Variants in OLA1 observed in about 807,000 individuals in gnomAD.
OLA1 encodes obg-like ATPase 1.
A neutral mutation model predicts 48.4 loss-of-function variants in OLA1; 14 were observed. The observed-to-expected ratio is 0.29, with a 90% CI of 0.19 to 0.45. The LOEUF is 0.45. Among genes scored for constraint, OLA1 ranks in the 20% least tolerant of loss-of-function variants. The pLI, the probability that OLA1 is intolerant of heterozygous loss-of-function variation, is 1.00. For synonymous variants in OLA1, 127 were observed against 150.4 expected (o/e 0.84, Z 1.14); for missense variants, 325 against 467.1 (o/e 0.70, Z 2.80).
intron 5 of OLA1, among the ~76,000 whole-genome samples, chr2:174,136,096 G>A (rs1686304863): frequency 1.3e-5 from 2 of 152,186 alleles, no homozygotes; most frequent in South Asian, 4.1e-4. Context: ...TGCTGGTGGA[G>A]GGTCGTGCCT....
chr2:174,075,555 G>C, intron 10 of OLA1, 28 bp from the exon 11 acceptor site: 3 of 1,400,746 alleles, frequency 2.1e-6, no homozygotes, highest in Non-Finnish European at 2.0e-6. Flanking sequence ...AGAGGAAATG[G>C]GTTATTAGTT....
At chr2:174,104,040 A>G (rs1294556891) in intron 7 of OLA1, among the ~76,000 whole-genome samples, 1 of 152,096 alleles carries the variant, frequency 6.6e-6, no homozygotes, top group African/African-American at 2.4e-5. Flanking sequence ...CATTGTGAAG[A>G]GCATATGCAG....
At chr2:174,079,941 A>T (rs16862337) in intron 9 of OLA1, among the ~76,000 whole-genome samples, 2 of 152,040 alleles carry the variant, frequency 1.3e-5, no homozygotes, top group East Asian at 3.9e-4. Context: ...AAGATAAACC[A>T]GCTTTCACAT....
At chr2:174,162,722 T>G (rs1399071287) in intron 4 of OLA1, among the ~76,000 whole-genome samples, 1 of 152,186 alleles carries the variant, frequency 6.6e-6, no homozygotes, top group Non-Finnish European at 1.5e-5. Context: ...CTCTATGGTA[T>G]AGGAAACCAA....
In OLA1 at chr2:174,168,388, C is replaced by CA. The variant is rs59269221; in HGVS notation, c.374-26389dup. Among the ~76,000 whole-genome samples the CA allele has an allele frequency of 8.7e-3, 1,301 of 150,016 alleles. 18 individuals are homozygous for CA. The highest frequency in any genetic ancestry group is 0.029 in the African/African-American group (1,201 of 40,950). The stretch of plus-strand genomic sequence containing the variant: ...GTCCAACTGTCTACTAATACAAAAC[C>CA]AAAAAAAAACAAAACAAACCCGCTA... On this transcript the variant is annotated intron_variant, in intron 4 of 10. Coordinates refer to ENST00000284719, the MANE Select transcript of OLA1 (RefSeq NM_013341.5).
At chr2:174,245,755 G>A (rs773768977) in intron 2 of OLA1, among the ~76,000 whole-genome samples, 28 of 151,768 alleles carry the variant, frequency 1.8e-4, no homozygotes, top group East Asian at 1.9e-4. Context: ...TTAGCCGGGC[G>A]TGGTGGCACA....
intron 4 of OLA1, among the ~76,000 whole-genome samples, chr2:174,210,110 A>T (rs751659228): frequency 6.6e-6 from 1 of 152,192 alleles, no homozygotes; most frequent in Non-Finnish European, 1.5e-5. Context: ...ATTAAGATAT[A>T]TTCAAGAATA....
intron 4 of OLA1, among the ~76,000 whole-genome samples, chr2:174,147,263 C>G (rs561143586): frequency 1.3e-5 from 2 of 152,166 alleles, no homozygotes; most frequent in East Asian, 3.9e-4. Flanking sequence ...CACATCTCTA[C>G]TAAAAATACA....
At position 174,164,220 on chromosome 2, in the gene OLA1, C is replaced by T. The variant is rs191929521; in HGVS notation, c.374-22220G>A. On this transcript the variant is annotated intron_variant, in intron 4 of 10. Transcript: ENST00000284719. ...ATTTTCTTTATAAATTACCCAGTCT[C>T]GGGTATTTTCTTCATAGCAGCATGA... Among the ~76,000 whole-genome samples, 287 of 152,064 alleles carry T rather than the reference C, an allele frequency of 1.9e-3. 1 individual carries two copies. The highest frequency in any genetic ancestry group is 6.6e-3 in the African/African-American group (272 of 41,442).
chr2:174,245,807 T>C (rs1336207338), intron 2 of OLA1, among the ~76,000 whole-genome samples: 2 of 151,704 alleles, frequency 1.3e-5, no homozygotes, highest in Admixed American at 6.6e-5. Context: ...GGCAGGATAA[T>C]TGCTGGAACC....
At chr2:174,097,886 A>G (rs1685294733) in intron 7 of OLA1, among the ~76,000 whole-genome samples, 1 of 152,166 alleles carries the variant, frequency 6.6e-6, no homozygotes, top group African/African-American at 2.4e-5. Context: ...TATTCTAATA[A>G]AAGAGTCCAT....
At chr2:174,230,690 ACT>A (rs958803538) in intron 2 of OLA1, among the ~76,000 whole-genome samples, 1 of 152,150 alleles carries the variant, frequency 6.6e-6, no homozygotes, top group African/African-American at 2.4e-5. Context: ...TAAAATCCAG[ACT>A]CTGGAAAATT....
At chr2:174,114,293 G>C (rs371480034) in intron 7 of OLA1, among the ~76,000 whole-genome samples, 12 of 129,512 alleles carry the variant, frequency 9.3e-5, no homozygotes, top group African/African-American at 3.6e-4. Flanking sequence ...AGTGGGCAGA[G>C]ATCGCGCCAC....
At chr2:174,161,311 T>C (rs756901681) in intron 4 of OLA1, among the ~76,000 whole-genome samples, 1 of 152,222 alleles carries the variant, frequency 6.6e-6, no homozygotes, top group Non-Finnish European at 1.5e-5. Flanking sequence ...CTATAACTTA[T>C]ATAGGCCTAC....
chr2:174,108,593 T>C (rs1451931206), intron 7 of OLA1, among the ~76,000 whole-genome samples: 1 of 152,166 alleles, frequency 6.6e-6, no homozygotes, highest in African/African-American at 2.4e-5. Context: ...GTCAAGAACT[T>C]TGACAATTAT....
intron 2 of OLA1, among the ~76,000 whole-genome samples, chr2:174,238,228 G>A (rs999410067): frequency 2.0e-5 from 3 of 152,168 alleles, no homozygotes; most frequent in African/African-American, 4.8e-5. Context: ...AGCCACGGTG[G>A]CTCATACCTG....
At chr2:174,093,405 A>G (rs1245173256) in intron 7 of OLA1, among the ~76,000 whole-genome samples, 3 of 151,966 alleles carry the variant, frequency 2.0e-5, no homozygotes, top group African/African-American at 7.2e-5. Flanking sequence ...GAGAGGCTGC[A>G]GTGACCCATG....
intron 4 of OLA1, among the ~76,000 whole-genome samples, chr2:174,191,048 C>T (rs900774060): frequency 4.1e-5 from 6 of 147,444 alleles, no homozygotes; most frequent in Admixed American, 3.4e-4. Context: ...CTCTATTGTA[C>T]ATAACAGTGA....
chr2:174,078,312 G>C (rs931802193), intron 10 of OLA1, among the ~76,000 whole-genome samples: 1 of 151,912 alleles, frequency 6.6e-6, no homozygotes, highest in East Asian at 1.9e-4. Context: ...CTATATTAGA[G>C]ATTGCTAGAT....
Sources: allele counts gnomAD v4.1 joint callset (sites outside exome capture counted in the v4.1 genomes callset), GRCh38; gene constraint gnomAD v4.1.1; transcripts MANE v1.5; gene names NCBI Gene and HGNC (gene_info 2026-07-23, HGNC 2026-07-21).